The following CFAP44 variants were observed in gnomAD, a reference collection of about 807,000 sequenced individuals.
CFAP44 encodes the protein cilia- and flagella-associated protein 44.
A neutral mutation model predicts 216.2 loss-of-function variants in CFAP44; 134 were observed. The ratio of observed to expected loss-of-function variants is 0.62; its 90% CI spans 0.54 to 0.72. The LOEUF is 0.72. Ranked by LOEUF, CFAP44 falls within the 30% of genes least tolerant of loss-of-function variation. The probability of loss-of-function intolerance (pLI) is 0.00; values close to 1 mark genes in which losing one functional copy is unlikely to be tolerated. For synonymous variants in CFAP44, 700 were observed against 727.6 expected, an observed-to-expected ratio of 0.96 and a Z score of 0.61; for missense variants, 2,035 against 2,182.1, an observed-to-expected ratio of 0.93 and a Z score of 1.34.
At chr3:113,314,800 A>C (rs1950071761) in intron 28 of CFAP44, among the ~76,000 whole-genome samples, 1 of 152,146 alleles carries the variant, frequency 6.6e-6, no homozygotes, top group South Asian at 2.1e-4. Flanking sequence ...CTTCACTTAA[A>C]CTGGTAAAAT....
At chr3:113,402,947 A>G (rs1315215683) in intron 9 of CFAP44, among the ~76,000 whole-genome samples, 1 of 152,218 alleles carries the variant, frequency 6.6e-6, no homozygotes, top group African/African-American at 2.4e-5. Context: ...ATCTAACAAG[A>G]TTAAATTTAA....
At chr3:113,408,687 A>C (rs981130589) in intron 7 of CFAP44, among the ~76,000 whole-genome samples, 4 of 152,050 alleles carry the variant, frequency 2.6e-5, no homozygotes, top group African/African-American at 9.7e-5. Context: ...CAACACGGAG[A>C]AACCCAACTC....
In CFAP44 at chr3:113,300,141, C is replaced by T. The variant is rs536719809; in HGVS notation, c.5078-3256G>A. 8.5e-5 allele frequency among the ~76,000 whole-genome samples: 13 copies of T among 152,176 alleles called. No homozygotes were observed. The South Asian group carries it at 1.7e-3, about 19-fold the overall frequency. On this transcript the variant is annotated intron_variant, in intron 32 of 34. Transcript: ENST00000393845. ...CAAACTTTGCATGCTCTCCCTTATT[C>T]GTGAGAGCTAAAAATTTAAACAACT...
At chr3:113,390,479 A>C (rs1194783075) in intron 15 of CFAP44, among the ~76,000 whole-genome samples, 1 of 152,172 alleles carries the variant, frequency 6.6e-6, no homozygotes, top group African/African-American at 2.4e-5. Flanking sequence ...TCAACATAGT[A>C]CTGGAAGTTC....
At chr3:113,433,721 T>A in intron 1 of CFAP44, 52 bp from the exon 2 acceptor site, 2 of 1,343,248 alleles carry the variant, frequency 1.5e-6, no homozygotes, top group Non-Finnish European at 2.1e-6. Context: ...AAATTGAAAC[T>A]AACAGATTTC....
chr3:113,376,506 A>T (rs914554144), intron 17 of CFAP44, among the ~76,000 whole-genome samples: 2 of 152,256 alleles, frequency 1.3e-5, no homozygotes, highest in Non-Finnish European at 1.5e-5. Context: ...TGTTCTGCAC[A>T]TGAGAAGCCA....
intron 4 of CFAP44, among the ~76,000 whole-genome samples, chr3:113,425,717 T>C (rs550521298): frequency 8.2e-4 from 125 of 152,362 alleles, no homozygotes; most frequent in African/African-American, 2.8e-3. Context: ...TTTCCACTTG[T>C]GCAAAGGACA....
In CFAP44 at chr3:113,429,512, G is replaced by C. The variant is rs931314012; in HGVS notation, c.101-2173C>G. ...ACTTTCAACCTATTTGTATCATTAT[G>C]CTTAACACGTGTTTTCTATGAGCAT... is the stretch of plus-strand genomic sequence containing the variant. On this transcript the variant is annotated intron_variant, in intron 2 of 34. Coordinates refer to ENST00000393845, the MANE Select transcript of CFAP44 (RefSeq NM_001164496.2). Among the ~76,000 whole-genome samples, 75 of 151,906 alleles carry C rather than the reference G, an allele frequency of 4.9e-4. 1 individual carries two copies. Among genetic ancestry groups the C allele is most frequent in the Admixed American group, 3.4e-3 (52 of 15,240 alleles).
intron 24 of CFAP44, 88 bp from the exon 25 acceptor site, chr3:113,333,671 T>C: frequency 2.3e-6 from 3 of 1,310,014 alleles, no homozygotes; most frequent in Non-Finnish European, 3.0e-6. Context: ...TATTCAAATT[T>C]AATCATGAAA....
chr3:113,433,547 C>T lies in CFAP44; in HGVS notation c.100+18G>A, dbSNP rs1416168662. ...TAAGTTTAATACTTTTAAAAGTATA[C>T]ATATTATCTTTACTTACATCTTGAT... On this transcript the variant is annotated intron_variant, in intron 2 of 34. Transcript: ENST00000393845. The T allele has an allele frequency of 1.4e-6, 2 of 1,423,972 alleles. No individual in the cohort carries two copies. Among genetic ancestry groups the T allele is most frequent in the Admixed American group, 3.6e-5 (2 of 55,682 alleles). The allele number at this position is 1,423,972 out of a possible 1,614,324, so 88.2% of individuals were successfully genotyped here. A position where few individuals can be genotyped will look rare whatever the true frequency, so the allele number is the denominator to read the frequency against.
chr3:113,395,793 G>A lies in CFAP44; in HGVS notation c.1847C>T (p.Thr616Ile). The A allele has an allele frequency of 6.2e-7, 1 of 1,613,760 alleles. No homozygotes were observed. The highest frequency in any genetic ancestry group is 8.5e-7 in the Non-Finnish European group (1 of 1,179,860). ...CATTAACTGACACACAGGTCCAGGA[G>A]TATTAATATAACCAATCGGCTTATA... ...RDYKPIGYIN[T>I]PGPVCQLMWS... Residue 616 changes from threonine (T) to isoleucine (I), a missense_variant, in exon 15 of 35, where the codon ACT (threonine) becomes ATT (isoleucine). By Grantham distance (89) the Thr-to-Ile change is moderately conservative. Transcript: ENST00000393845.
Position 113,438,992 on chromosome 3 carries a change from C to T in CFAP44, c.-6+2461G>A, listed in dbSNP as rs190141758. Among the ~76,000 whole-genome samples the T allele has an allele frequency of 1.0e-3, 153 of 152,254 alleles. 2 individuals are homozygous for T. Among genetic ancestry groups the T allele is most frequent in the Admixed American group, 3.8e-3 (58 of 15,290 alleles). On this transcript the variant is annotated intron_variant, in intron 1 of 34. Coordinates refer to ENST00000393845, the MANE Select transcript of CFAP44 (RefSeq NM_001164496.2). ...AGGATCTGGACACTTTCCAGAAGAG[C>T]GGAACTACCAATTCACCTATCGGGG...
chr3:113,401,518 C>T (rs1934140891), intron 10 of CFAP44, 66 bp downstream of exon 10: 1 of 1,566,742 alleles, frequency 6.4e-7, no homozygotes, highest in Non-Finnish European at 8.7e-7. Context: ...CCAAATCAAT[C>T]ATACTACTAC....
chr3:113,322,158 C>T (rs1950150817), intron 28 of CFAP44, among the ~76,000 whole-genome samples: 1 of 152,132 alleles, frequency 6.6e-6, no homozygotes, highest in Non-Finnish European at 1.5e-5. Context: ...AGTACTGGTA[C>T]AAAAACAGAC....
chr3:113,384,864 C>G (rs954493680), intron 15 of CFAP44, among the ~76,000 whole-genome samples: 1 of 152,260 alleles, frequency 6.6e-6, no homozygotes, highest in Non-Finnish European at 1.5e-5. Flanking sequence ...ATGAGGGAGT[C>G]AAGAAGTTCA....
chr3:113,326,483 ATCT>A lies in CFAP44; in HGVS notation c.4475_4477del (p.Lys1492del), dbSNP rs1950190761. On this transcript the variant is annotated inframe_deletion, in exon 28 of 35. Coordinates refer to ENST00000393845, the MANE Select transcript of CFAP44 (RefSeq NM_001164496.2). ...AACTTCTTTTTTCTTTACCCGTTTA[ATCT>A]TCTTCTTTAGGACCTTCATGAGGAA... The A allele has an allele frequency of 2.6e-6, 4 of 1,520,358 alleles. No homozygotes were observed. Among genetic ancestry groups the A allele is most frequent in the East Asian group, 4.9e-5 (2 of 40,562 alleles). 94.2% of individuals were successfully genotyped at this position (1,520,358 alleles called of 1,614,324 possible).
intron 6 of CFAP44, among the ~76,000 whole-genome samples, chr3:113,410,694 C>T (rs1268141778): frequency 6.6e-6 from 1 of 152,168 alleles, no homozygotes; most frequent in African/African-American, 2.4e-5. Context: ...AATGGTATTT[C>T]TAGTTGTAGA....
At chr3:113,353,918 T>G (rs1372535855) in intron 22 of CFAP44, among the ~76,000 whole-genome samples, 1 of 151,990 alleles carries the variant, frequency 6.6e-6, no homozygotes, top group African/African-American at 2.4e-5. Flanking sequence ...GACAGAATAA[T>G]CCACAGATCT....
intron 24 of CFAP44, among the ~76,000 whole-genome samples, chr3:113,335,907 A>C (rs922608855): frequency 6.6e-6 from 1 of 152,218 alleles, no homozygotes; most frequent in African/African-American, 2.4e-5. Context: ...TACCACAAAC[A>C]ACTAAATTAG....
Sources: gnomAD v4.1 joint callset for allele counts (sites outside exome capture counted in the v4.1 genomes callset) on GRCh38, gnomAD v4.1.1 for gene constraint, MANE v1.5 for transcripts, NCBI Gene and HGNC (gene_info 2026-07-23, HGNC 2026-07-21) for gene names.